The following ZNF471 variants were observed in gnomAD, a reference collection of about 807,000 sequenced individuals.
ZNF471 encodes the protein EZFIT-related protein 1.
ZNF471 carries 7 observed loss-of-function variants against 13.7 expected under a neutral mutation model. That is an observed-to-expected ratio of 0.51 (90% CI 0.29 to 0.96). The LOEUF (loss-of-function observed/expected upper bound fraction) is 0.96. Among genes scored for constraint, ZNF471 ranks in the 40% least tolerant of loss-of-function variants. The probability of loss-of-function intolerance (pLI) is 0.08; values close to 1 mark genes in which losing one functional copy is unlikely to be tolerated. For missense variants in ZNF471, 663 were observed against 743.3 expected (o/e 0.89, Z 1.26); for synonymous variants, 218 against 235.6 (o/e 0.93, Z 0.68).
Position 56,523,878 on chromosome 19 carries a change from C to T in ZNF471, c.257-446C>T, listed in dbSNP as rs535805912. Among the ~76,000 whole-genome samples the T allele has an allele frequency of 2.0e-5, 3 of 152,228 alleles. No individual in the cohort carries two copies. In the South Asian group the frequency reaches 6.2e-4, roughly 32 times the overall value. ...TTGCTCTGTTGCCTAAGCTGGAGTG[C>T]AGTAGGGCAATCATGGCTCACTGCA... On this transcript the variant is annotated intron_variant, in intron 4 of 4. Coordinates refer to ENST00000308031, the MANE Select transcript of ZNF471 (RefSeq NM_020813.4).
chr19:56,527,945 A>G lies in ZNF471; in HGVS notation c.*1997A>G, dbSNP rs960996. 0.31 allele frequency: 47,098 copies of G among 152,120 alleles called. 7,743 individuals are homozygous for G. Among genetic ancestry groups the G allele is most frequent in the East Asian group, 0.51 (2,627 of 5,174 alleles). The allele number at this position is 152,120 out of a possible 1,614,324, so 9.4% of individuals were successfully genotyped here. On this transcript the variant is annotated 3_prime_UTR_variant, in exon 5 of 5. Transcript: ENST00000308031. ...CAGTCATTTCACCTGGACTATTTCA[A>G]TCATTACACAGGTGTCCAACCTTTT...
chr19:56,525,286 G>C lies in ZNF471; in HGVS notation c.1219G>C (p.Val407Leu), dbSNP rs752904888. The change falls in exon 5 of 5, where the codon GTG becomes CTG. Residue 407 changes from valine to leucine, a missense_variant. By Grantham distance (32) the Val-to-Leu change is conservative. Coordinates refer to ENST00000308031, the MANE Select transcript of ZNF471 (RefSeq NM_020813.4). Reference protein sequence around the residue: ...HTGEKPYKCGVCGKTFSSGSS... With the variant: ...HTGEKPYKCGLCGKTFSSGSS... ...AGGAGAGAAACCTTACAAATGTGGT[G>C]TGTGTGGAAAAACCTTCAGCTCGGG... is the stretch of plus-strand genomic sequence containing the variant. The C allele has an allele frequency of 1.9e-6, 3 of 1,611,840 alleles. No homozygotes were observed. The highest frequency in any genetic ancestry group is 2.5e-6 in the Non-Finnish European group (3 of 1,178,476).
At position 56,524,506 on chromosome 19, in the gene ZNF471, A is replaced by G. The variant is rs2044017009; in HGVS notation, c.439A>G (p.Ile147Val). The G allele has an allele frequency of 1.2e-6, 2 of 1,609,412 alleles. No homozygotes were observed. The highest frequency in any genetic ancestry group is 2.7e-5 in the African/African-American group (2 of 74,582). Residue 147 changes from isoleucine to valine, a missense_variant, in exon 5 of 5, where the codon ATC becomes GTC. By Grantham distance (29) the Ile-to-Val change is conservative. Coordinates refer to ENST00000308031, the MANE Select transcript of ZNF471 (RefSeq NM_020813.4). This position sits in a 1 kb window ranked among gnomAD's most constrained non-coding sequence, Gnocchi z 4.8. ...TGAGATGTTTAGCAAGAAAGAAATAATCACTCATAAAGAAACCATCACTAA... is the reference window on the plus strand; with the variant it reads ...TGAGATGTTTAGCAAGAAAGAAATAGTCACTCATAAAGAAACCATCACTAA... ...SHEMFSKKEI[I>V]THKETITKET...
chr19:56,509,800 T>C, intron 1 of ZNF471: 1 of 965,792 alleles, frequency 1.0e-6, no homozygotes, highest in Non-Finnish European at 1.2e-6. Context: ...GTTGTGTGAG[T>C]GGAGTAGGAG....
At position 56,510,791 on chromosome 19, in the gene ZNF471, T is replaced by C; in HGVS notation, c.-55-726T>C. ...TTGTGTGTTGCCGGGATAGGAAATG[T>C]GGAATAGAATTCCTGTCCCCAGTCC... On this transcript the variant is annotated intron_variant, in intron 1 of 4. Coordinates refer to ENST00000308031, the MANE Select transcript of ZNF471 (RefSeq NM_020813.4). This position sits in a 1 kb window ranked among gnomAD's most constrained non-coding sequence, Gnocchi z 4.3. 7 of 985,406 alleles carry C rather than the reference T, an allele frequency of 7.1e-6. No homozygotes were observed. Among genetic ancestry groups the C allele is most frequent in the Non-Finnish European group, 8.4e-6 (7 of 829,964 alleles). 61.0% of individuals were successfully genotyped at this position (985,406 alleles called of 1,614,324 possible).
intron 2 of ZNF471, among the ~76,000 whole-genome samples, chr19:56,511,909 G>C (rs2043817758): frequency 6.6e-6 from 1 of 152,200 alleles, no homozygotes. Flanking sequence ...GTTAGTACTA[G>C]TGAGTTGGGC....
chr19:56,508,099 C>G lies in ZNF471; in HGVS notation c.-56+179C>G, dbSNP rs1343402960. 1.0e-6 allele frequency: 1 copy of G among 985,292 alleles called. No individual in the cohort carries two copies. Among genetic ancestry groups the G allele is most frequent in the Non-Finnish European group, 1.2e-6 (1 of 829,934 alleles). The allele number at this position is 985,292 out of a possible 1,614,324, so 61.0% of individuals were successfully genotyped here. ...CGAGTCTGCGGGGCGGAGGCCGCGG[C>G]TCGGGGCTGCTGGGCGTTCGGGGCG... On this transcript the variant is annotated intron_variant, in intron 1 of 4. Coordinates refer to ENST00000308031, the MANE Select transcript of ZNF471 (RefSeq NM_020813.4). The surrounding 1 kb of genome is among the most constrained non-coding windows in gnomAD (Gnocchi z 4.7).
intron 1 of ZNF471, chr19:56,509,854 G>A: frequency 1.0e-6 from 1 of 985,166 alleles, no homozygotes; most frequent in Non-Finnish European, 1.2e-6. Context: ...GTGTTATCAG[G>A]GACTGGATTG....
chr19:56,516,411 T>C lies in ZNF471; in HGVS notation c.160+10T>C, dbSNP rs1040609258. On this transcript the variant is annotated intron_variant, in intron 3 of 4. Transcript: ENST00000308031. This position sits in a 1 kb window ranked among gnomAD's most constrained non-coding sequence, Gnocchi z 4.4. ...AGCCTGGTATCACTTGGTGAGGATC[T>C]TTTCCCTCCTGCATAATCTACCTTT... 20 of 1,606,574 alleles carry C rather than the reference T, an allele frequency of 1.2e-5. No homozygotes were observed. Among genetic ancestry groups the C allele is most frequent in the Non-Finnish European group, 1.7e-5 (20 of 1,176,736 alleles).
At chr19:56,515,479 C>T (rs1423585782) in intron 2 of ZNF471, among the ~76,000 whole-genome samples, 1 of 152,060 alleles carries the variant, frequency 6.6e-6, no homozygotes, top group African/African-American at 2.4e-5. Context: ...CTTCTAAAGT[C>T]CCGTACATTG....
In ZNF471 at chr19:56,516,245, G is replaced by C. The variant is rs977145768; in HGVS notation, c.34-30G>C. The C allele has an allele frequency of 6.2e-7, 1 of 1,608,488 alleles. No individual in the cohort carries two copies. The highest frequency in any genetic ancestry group is 1.7e-5 in the Admixed American group (1 of 59,754). ...AGAGTTATCTTTGGACACGAGCATT[G>C]GTTGGTTAAGAATATATTTGTCACT... On this transcript the variant is annotated intron_variant, in intron 2 of 4. Coordinates refer to ENST00000308031, the MANE Select transcript of ZNF471 (RefSeq NM_020813.4). This position sits in a 1 kb window ranked among gnomAD's most constrained non-coding sequence, Gnocchi z 4.4.
At position 56,508,030 on chromosome 19, in the gene ZNF471, C is replaced by G. The variant is rs1330025037; in HGVS notation, c.-56+110C>G. 1.0e-6 allele frequency: 1 copy of G among 985,574 alleles called. No homozygotes were observed. The highest frequency in any genetic ancestry group is 6.1e-5 in the Admixed American group (1 of 16,282). 61.1% of individuals were successfully genotyped at this position (985,574 alleles called of 1,614,324 possible). Reference sequence around the variant, plus strand: ...GAAGGCCCAGCCGCGTCCTCTGTCCCCAGGACGACTACATTTCCCAGAGGC... The same window carrying G: ...GAAGGCCCAGCCGCGTCCTCTGTCCGCAGGACGACTACATTTCCCAGAGGC... On this transcript the variant is annotated intron_variant, in intron 1 of 4. Coordinates refer to ENST00000308031, the MANE Select transcript of ZNF471 (RefSeq NM_020813.4). This position sits in a 1 kb window ranked among gnomAD's most constrained non-coding sequence, Gnocchi z 4.7.
In ZNF471 at chr19:56,525,337, A is replaced by G. The variant is rs1240597860; in HGVS notation, c.1270A>G (p.Ile424Val). 6.2e-7 allele frequency: 1 copy of G among 1,614,178 alleles called. No homozygotes were observed. Among genetic ancestry groups the G allele is most frequent in the South Asian group, 1.1e-5 (1 of 91,088 alleles). Residue 424 changes from isoleucine (I) to valine (V), a missense_variant, in exon 5 of 5, where the codon ATT becomes GTT. Coordinates refer to ENST00000308031, the MANE Select transcript of ZNF471 (RefSeq NM_020813.4). The part of the protein sequence containing the change: ...SGSSRTVHQR[I>V]HTGEKPYECD... ...TTCATCCCGTACTGTACATCAGAGA[A>G]TTCATACAGGAGAGAAACCTTATGA...
In ZNF471 at chr19:56,516,183, A is replaced by G; in HGVS notation, c.34-92A>G. On this transcript the variant is annotated intron_variant, in intron 2 of 4. Transcript: ENST00000308031. This position sits in a 1 kb window ranked among gnomAD's most constrained non-coding sequence, Gnocchi z 4.4. ...TTATGTTTTTTCTCTTCTATGAGTTATTTCTCACCTAAAGTAGAGACACTT... is the reference window on the plus strand; with the variant it reads ...TTATGTTTTTTCTCTTCTATGAGTTGTTTCTCACCTAAAGTAGAGACACTT... The G allele has an allele frequency of 7.6e-7, 1 of 1,310,282 alleles. No individual in the cohort carries two copies. The highest frequency in any genetic ancestry group is 2.4e-5 in the East Asian group (1 of 42,102). The allele number at this position is 1,310,282 out of a possible 1,614,324, so 81.2% of individuals were successfully genotyped here.
Position 56,529,834 on chromosome 19 carries a change from A to AATAT in ZNF471, c.*3887_*3890dup, listed in dbSNP as rs2044088140. 6.6e-6 allele frequency: 1 copy of AATAT among 151,984 alleles called. No homozygotes were observed. The highest frequency in any genetic ancestry group is 1.5e-5 in the Non-Finnish European group (1 of 68,002). The allele number at this position is 151,984 out of a possible 1,614,324, so 9.4% of individuals were successfully genotyped here. On this transcript the variant is annotated 3_prime_UTR_variant, in exon 5 of 5. Coordinates refer to ENST00000308031, the MANE Select transcript of ZNF471 (RefSeq NM_020813.4). ...GCAGGTGTGAGAAACCGTATTTTCA[A>AATAT]ATATTGAGAGGGTAAATTAGAGGAA...
intron 2 of ZNF471, 21 bp downstream of exon 2, chr19:56,511,625 T>C: frequency 1.3e-6 from 2 of 1,594,932 alleles, no homozygotes; most frequent in Non-Finnish European, 1.7e-6. Flanking sequence ...ATTTTCTTTC[T>C]CTTCATGAAA....
chr19:56,525,363 A>G lies in ZNF471; in HGVS notation c.1296A>G (p.Glu432=). The change falls in exon 5 of 5, where the codon GAA becomes GAG. Residue 432 remains glutamate (E), a synonymous_variant. Transcript: ENST00000308031. The part of the protein sequence containing the change: ...QRIHTGEKPY[E]CDICGKDFSH... Reference sequence around the variant, plus strand: ...TTCATACAGGAGAGAAACCTTATGAATGTGATATATGTGGGAAAGATTTTA... The same window carrying G: ...TTCATACAGGAGAGAAACCTTATGAGTGTGATATATGTGGGAAAGATTTTA... 3 of 1,613,960 alleles carry G rather than the reference A, an allele frequency of 1.9e-6. No homozygotes were observed. Among genetic ancestry groups the G allele is most frequent in the Non-Finnish European group, 2.5e-6 (3 of 1,179,950 alleles).
At chr19:56,518,424 T>C in intron 3 of ZNF471, 58 bp from the exon 4 acceptor site, 1 of 1,353,280 alleles carries the variant, frequency 7.4e-7, no homozygotes, top group South Asian at 1.2e-5. Flanking sequence ...GGTACTGGCT[T>C]TTAGTTCTGA....
rs1205331212 is a variant in ZNF471 at position 56,529,873 on chromosome 19, G to A, written c.*3925G>A. On this transcript the variant is annotated 3_prime_UTR_variant, in exon 5 of 5. Coordinates refer to ENST00000308031, the MANE Select transcript of ZNF471 (RefSeq NM_020813.4). Reference sequence around the variant, plus strand: ...AAATTAGAGGAAAGCCATTTTAGAGGGCAATGTGGTGTTACCTGTCAGCAT... The same window carrying A: ...AAATTAGAGGAAAGCCATTTTAGAGAGCAATGTGGTGTTACCTGTCAGCAT... 6.6e-6 allele frequency: 1 copy of A among 152,098 alleles called. No homozygotes were observed. The highest frequency in any genetic ancestry group is 1.5e-5 in the Non-Finnish European group (1 of 68,014). The allele number at this position is 152,098 out of a possible 1,614,324, so 9.4% of individuals were successfully genotyped here.
Sources: allele counts gnomAD v4.1 joint callset (sites outside exome capture counted in the v4.1 genomes callset), GRCh38; gene constraint gnomAD v4.1.1; non-coding constraint Gnocchi (gnomAD v3.1); transcripts MANE v1.5; gene names NCBI Gene and HGNC (gene_info 2026-07-23, HGNC 2026-07-21).